Variants in ZNF789 observed in about 807,000 individuals in gnomAD.
ZNF789 encodes the protein zinc finger protein 789.
Under a neutral mutation model 15.6 loss-of-function variants are expected in ZNF789, and 11 were observed. The ratio of observed to expected loss-of-function variants is 0.70; its 90% CI spans 0.44 to 1.16. The LOEUF (loss-of-function observed/expected upper bound fraction) is 1.16, where lower values mean the gene tolerates loss of function less well. Ranked by LOEUF, ZNF789 falls within the 50% of genes most tolerant of loss-of-function variation. The pLI is 0.00. For synonymous variants in ZNF789, 159 were observed against 176.0 expected (o/e 0.90, Z 0.76); for missense variants, 461 against 512.6 (o/e 0.90, Z 0.97).
intron 2 of ZNF789, chr7:99,478,222 T>C: frequency 8.1e-7 from 1 of 1,235,018 alleles, no homozygotes; most frequent in Non-Finnish European, 1.1e-6. Flanking sequence ...CATGCCACAA[T>C]GACTCTGGGA....
chr7:99,476,448 G>A lies in ZNF789; in HGVS notation c.-9G>A, dbSNP rs780669809. 1.4e-5 allele frequency: 22 copies of A among 1,610,530 alleles called. No individual in the cohort carries two copies. The highest frequency in any genetic ancestry group is 6.6e-5 in the South Asian group (6 of 90,248). ...CCCACCCCTTGCAAAAGACCAGGCC[G>A]TGGAAGCCATGTTCCCACCAGCCAG... On this transcript the variant is annotated 5_prime_UTR_variant, in exon 2 of 5. The change creates a new upstream start codon in the 5' untranslated region. Coordinates refer to ENST00000331410, the MANE Select transcript of ZNF789 (RefSeq NM_213603.3).
chr7:99,482,533 CAT>C (rs1799697064), intron 3 of ZNF789, among the ~76,000 whole-genome samples: 1 of 152,112 alleles, frequency 6.6e-6, no homozygotes, highest in Non-Finnish European at 1.5e-5. Context: ...ACACACATAA[CAT>C]ACACACTACA....
chr7:99,485,638 C>A (rs747901721), intron 4 of ZNF789, among the ~76,000 whole-genome samples: 2 of 152,102 alleles, frequency 1.3e-5, no homozygotes, highest in Non-Finnish European at 2.9e-5. Context: ...TTGAGACCAG[C>A]CTGGCCAACA....
chr7:99,486,492 CAA>C lies in ZNF789; in HGVS notation c.283_284del (p.Lys95AspfsTer12). On this transcript the variant is annotated frameshift_variant, in exon 5 of 5. Coordinates refer to ENST00000331410, the MANE Select transcript of ZNF789 (RefSeq NM_213603.3). LOFTEE classifies it low-confidence loss of function (END_TRUNC). ...SACPGSEARH[K>X]MKKLTPKQKF... ...TTTGGCTAGGTTCTGAAGCCAGACA[CAA>C]GATGAAAAAGCTAACTCCAAAACAG... The C allele has an allele frequency of 6.2e-7, 1 of 1,611,048 alleles. No homozygotes were observed.
intron 4 of ZNF789, chr7:99,485,429 C>A: frequency 1.6e-6 from 1 of 634,772 alleles, no homozygotes. Flanking sequence ...TAGTTGAGAC[C>A]CATTGCTCTA....
At chr7:99,482,966 C>G (rs934560755) in intron 3 of ZNF789, among the ~76,000 whole-genome samples, 1 of 152,164 alleles carries the variant, frequency 6.6e-6, no homozygotes, top group Non-Finnish European at 1.5e-5. Flanking sequence ...CACGGTGGCT[C>G]ACGCCTGTAA....
At chr7:99,483,492 T>G (rs1234267718) in intron 3 of ZNF789, among the ~76,000 whole-genome samples, 1 of 151,748 alleles carries the variant, frequency 6.6e-6, no homozygotes, top group Non-Finnish European at 1.5e-5. Context: ...TAGCAAAGCG[T>G]GGGGGCGCTG....
chr7:99,478,205 G>T, intron 2 of ZNF789: 1 of 1,102,622 alleles, frequency 9.1e-7, no homozygotes, highest in Non-Finnish European at 1.2e-6. Flanking sequence ...GTTAGGAGAG[G>T]AGTTACCATG....
chr7:99,474,715 G>A (rs1416143597), intron 1 of ZNF789, among the ~76,000 whole-genome samples: 2 of 152,156 alleles, frequency 1.3e-5, no homozygotes, highest in African/African-American at 4.8e-5. Flanking sequence ...AAGGGATGAG[G>A]CCTTTGCTCC....
At position 99,486,688 on chromosome 7, in the gene ZNF789, C is replaced by G. The variant is rs149797851; in HGVS notation, c.478C>G (p.Leu160Val). Reference protein sequence around the residue: ...YSRGFLQNLNLIQDQNAQTRW... With the variant: ...YSRGFLQNLNVIQDQNAQTRW... ...CAGGGGCTTCCTTCAAAACCTTAAC[C>G]TTATTCAAGATCAGAATGCGCAAAC... Residue 160 changes from leucine (L) to valine (V), a missense_variant, in exon 5 of 5, where the codon CTT (leucine) becomes GTT (valine). Transcript: ENST00000331410. 298 of 1,614,186 alleles carry G rather than the reference C, an allele frequency of 1.8e-4. 3 individuals carry two copies. The South Asian group carries it at 2.9e-3, about 16-fold the overall frequency.
intron 1 of ZNF789, among the ~76,000 whole-genome samples, chr7:99,475,620 G>A (rs1799288476): frequency 1.3e-5 from 2 of 152,084 alleles, no homozygotes; most frequent in Admixed American, 1.3e-4. Context: ...CGGACATCCT[G>A]TGTGATAGGG....
At chr7:99,483,800 G>T in intron 3 of ZNF789, 1 of 781,012 alleles carries the variant, frequency 1.3e-6, no homozygotes, top group Non-Finnish European at 2.4e-6. Flanking sequence ...ATTCATCTTG[G>T]TTGCAATTGT....
At position 99,486,958 on chromosome 7, in the gene ZNF789, TG is replaced by T. The variant is rs1562889036; in HGVS notation, c.749del (p.Cys250PhefsTer56). On this transcript the variant is annotated frameshift_variant, in exon 5 of 5. Transcript: ENST00000331410. LOFTEE classifies it low-confidence loss of function (END_TRUNC). ...QRSALTVHKQCHLQNKPYRCH... is the reference protein window; with the variant it reads ...QRSALTVHKQXHLQNKPYRCH... Reference sequence around the variant, plus strand: ...GTCAGCTCTTACGGTCCATAAACAGTGTCACCTGCAAAACAAGCCATACAGA... The same window carrying T: ...GTCAGCTCTTACGGTCCATAAACAGTTCACCTGCAAAACAAGCCATACAGA... 6.2e-7 allele frequency: 1 copy of T among 1,614,192 alleles called. No individual in the cohort carries two copies. Among genetic ancestry groups the T allele is most frequent in the Middle Eastern group, 1.6e-4 (1 of 6,062 alleles).
chr7:99,484,157 A>G lies in ZNF789; in HGVS notation c.265+14A>G. On this transcript the variant is annotated intron_variant, in intron 4 of 4. Transcript: ENST00000331410. ...GTGCTTGCCCAGGTGGGTGAGGAAGAGACCCAGGCGAGTGGAATCAGGAAG... is the reference window on the plus strand; with the variant it reads ...GTGCTTGCCCAGGTGGGTGAGGAAGGGACCCAGGCGAGTGGAATCAGGAAG... 2 of 1,602,466 alleles carry G rather than the reference A, an allele frequency of 1.2e-6. No individual in the cohort carries two copies. Among genetic ancestry groups the G allele is most frequent in the Non-Finnish European group, 1.7e-6 (2 of 1,169,970 alleles).
intron 3 of ZNF789, chr7:99,481,355 AT>A (rs1422246147): frequency 6.6e-6 from 1 of 152,224 alleles, no homozygotes; most frequent in African/African-American, 2.4e-5. Context: ...CAAAATCAGA[AT>A]TTTGAAGTTA....
At chr7:99,476,019 G>A (rs1260279035) in intron 1 of ZNF789, among the ~76,000 whole-genome samples, 1 of 151,974 alleles carries the variant, frequency 6.6e-6, no homozygotes, top group African/African-American at 2.4e-5. Flanking sequence ...TGGCCAGGAT[G>A]GTCTCCATCT....
At position 99,476,435 on chromosome 7, in the gene ZNF789, A is replaced by T. The variant is rs371896349; in HGVS notation, c.-22A>T. 126 of 1,606,256 alleles carry T rather than the reference A, an allele frequency of 7.8e-5. No individual in the cohort carries two copies. The highest frequency in any genetic ancestry group is 1.1e-4 in the Non-Finnish European group (124 of 1,177,026). On this transcript the variant is annotated 5_prime_UTR_variant, in exon 2 of 5. Coordinates refer to ENST00000331410, the MANE Select transcript of ZNF789 (RefSeq NM_213603.3). ...AGACGTCCAGGATCCCACCCCTTGC[A>T]AAAGACCAGGCCGTGGAAGCCATGT...
chr7:99,474,095 A>G (rs570684137), intron 1 of ZNF789, among the ~76,000 whole-genome samples: 2 of 152,330 alleles, frequency 1.3e-5, no homozygotes, highest in South Asian at 4.1e-4. Flanking sequence ...CATGGACTCC[A>G]TTTAATTTTT....
intron 1 of ZNF789, 51 bp from the exon 2 acceptor site, chr7:99,476,352 C>T: frequency 7.2e-7 from 1 of 1,395,010 alleles, no homozygotes; most frequent in Non-Finnish European, 9.8e-7. Flanking sequence ...ATCTGCCAAC[C>T]AAGAGAGCTT....
Sources: gnomAD v4.1 joint callset for allele counts (sites outside exome capture counted in the v4.1 genomes callset) on GRCh38, gnomAD v4.1.1 for gene constraint, MANE v1.5 for transcripts, NCBI Gene and HGNC (gene_info 2026-07-23, HGNC 2026-07-21) for gene names.